Variants in MALRD1 observed in about 807,000 individuals in gnomAD.
MALRD1 encodes MAM and LDL-receptor class A domain-containing protein 1.
Under a neutral mutation model 242.1 loss-of-function variants are expected in MALRD1, and 247 were observed. The observed-to-expected ratio is 1.02, with a 90% CI of 0.92 to 1.13. The LOEUF is 1.13. MALRD1 is among the 50% of genes most tolerant of loss of function. The pLI, the probability that MALRD1 is intolerant of heterozygous loss-of-function variation, is 0.00. For synonymous variants in MALRD1, 995 were observed against 866.6 expected (o/e 1.15, Z -2.60); for missense variants, 2,989 against 2,533.1 (o/e 1.18, Z -3.86).
intron 31 of MALRD1, among the ~76,000 whole-genome samples, chr10:19,525,807 A>G (rs578034748): frequency 6.6e-6 from 1 of 152,316 alleles, no homozygotes; most frequent in Non-Finnish European, 1.5e-5. Flanking sequence ...GTAGTATTTA[A>G]TTAAAGTGTA....
chr10:19,600,165 A>G (rs16919144), intron 34 of MALRD1, among the ~76,000 whole-genome samples: 6,646 of 152,182 alleles, frequency 0.044, 428 homozygotes, highest in African/African-American at 0.14. Context: ...ATCCAACCTT[A>G]TCATCAATAT....
At chr10:19,703,259 G>C (rs116302397) in intron 38 of MALRD1, among the ~76,000 whole-genome samples, 1 of 152,116 alleles carries the variant, frequency 6.6e-6, no homozygotes, top group African/African-American at 2.4e-5. Flanking sequence ...CTTTTTGCTC[G>C]TCTGTTTTGA....
At chr10:19,448,110 T>G (rs1422238369) in intron 28 of MALRD1, among the ~76,000 whole-genome samples, 2 of 152,216 alleles carry the variant, frequency 1.3e-5, no homozygotes, top group African/African-American at 4.8e-5. Context: ...CAGACATATT[T>G]ATTAGCATTA....
chr10:19,314,515 A>G (rs1026461794), intron 21 of MALRD1, among the ~76,000 whole-genome samples: 2 of 151,804 alleles, frequency 1.3e-5, no homozygotes, highest in African/African-American at 2.4e-5. Context: ...TGAAATGGGC[A>G]TATCTGGGTG....
At chr10:19,141,017 A>G (rs576030393) in intron 10 of MALRD1, among the ~76,000 whole-genome samples, 72 of 152,340 alleles carry the variant, frequency 4.7e-4, no homozygotes, top group Non-Finnish European at 8.5e-4. Flanking sequence ...TTCACTACGT[A>G]TATGTATATC....
chr10:19,593,577 T>A (rs140843474), intron 33 of MALRD1, among the ~76,000 whole-genome samples: 1 of 152,336 alleles, frequency 6.6e-6, no homozygotes, highest in Non-Finnish European at 1.5e-5. Flanking sequence ...CTTAATATAT[T>A]GATGAGTCCC....
intron 4 of MALRD1, among the ~76,000 whole-genome samples, chr10:19,094,683 A>C (rs76623617): frequency 0.021 from 3,232 of 152,310 alleles, 122 homozygotes; most frequent in African/African-American, 0.075. Context: ...AGAAAAGGGA[A>C]TGCTGGGTAA....
intron 4 of MALRD1, among the ~76,000 whole-genome samples, chr10:19,100,796 T>A (rs868402943): frequency 1.2e-4 from 18 of 152,270 alleles, no homozygotes; most frequent in South Asian, 1.0e-3. Flanking sequence ...TGGTGTTTTT[T>A]TTTGGTGAGG....
rs114462261 is a variant in MALRD1 at position 19,728,992 on chromosome 10, C to T, written c.6315-1714C>T. On this transcript the variant is annotated intron_variant, in intron 38 of 39. Transcript: ENST00000454679. ...AGGAATTAACAGATATTTGTTGACT[C>T]AATTCAGACTTTTTTCAATAATAAC... 8.8e-3 allele frequency among the ~76,000 whole-genome samples: 1,341 copies of T among 152,274 alleles called. 19 individuals carry two copies. Among genetic ancestry groups the T allele is most frequent in the African/African-American group, 0.031 (1,277 of 41,530 alleles).
At chr10:19,181,627 A>C (rs567492799) in intron 14 of MALRD1, among the ~76,000 whole-genome samples, 23 of 152,292 alleles carry the variant, frequency 1.5e-4, no homozygotes, top group African/African-American at 5.1e-4. Context: ...TAGAGATGTA[A>C]TGTACAACGT....
chr10:19,055,041 C>T (rs1046419085), intron 1 of MALRD1, among the ~76,000 whole-genome samples: 2 of 152,234 alleles, frequency 1.3e-5, no homozygotes, highest in South Asian at 4.1e-4. Flanking sequence ...TCCCTTATTT[C>T]TGTATTCTGC....
intron 26 of MALRD1, among the ~76,000 whole-genome samples, chr10:19,369,694 A>G (rs558809911): frequency 6.6e-6 from 1 of 150,936 alleles, no homozygotes; most frequent in South Asian, 2.1e-4. Flanking sequence ...ACACACATAT[A>G]TTTAAATATA....
chr10:19,459,878 T>C (rs1835846864), intron 29 of MALRD1, among the ~76,000 whole-genome samples: 1 of 151,728 alleles, frequency 6.6e-6, no homozygotes, highest in African/African-American at 2.4e-5. Flanking sequence ...GAAAAAATAA[T>C]TATTTGACCA....
chr10:19,118,551 C>G (rs184180459), intron 5 of MALRD1, among the ~76,000 whole-genome samples: 44 of 152,222 alleles, frequency 2.9e-4, no homozygotes, highest in African/African-American at 1.0e-3. Flanking sequence ...AATAAGAGCT[C>G]GTAGAGACCA....
At chr10:19,204,210 G>T (rs1176224362) in intron 15 of MALRD1, 98 bp from the exon 16 acceptor site, 4 of 779,448 alleles carry the variant, frequency 5.1e-6, no homozygotes, top group Non-Finnish European at 8.2e-6. Flanking sequence ...ATTTCAGTTA[G>T]ACAATGATCT....
chr10:19,482,591 T>C (rs1035969437), intron 29 of MALRD1, among the ~76,000 whole-genome samples: 2 of 151,258 alleles, frequency 1.3e-5, no homozygotes, highest in African/African-American at 4.9e-5. Flanking sequence ...GTAGCATTTC[T>C]ATACACTAAT....
chr10:19,619,334 G>T (rs1217985953), intron 36 of MALRD1, among the ~76,000 whole-genome samples: 1 of 150,868 alleles, frequency 6.6e-6, no homozygotes, highest in Non-Finnish European at 1.5e-5. Flanking sequence ...CTCCTCTTTT[G>T]CTTCCCTTTC....
rs1299759419 is a variant in MALRD1 at position 19,265,198 on chromosome 10, AT to A, written c.3079+7434del. Among the ~76,000 whole-genome samples, 10 of 150,318 alleles carry A rather than the reference AT, an allele frequency of 6.7e-5. No homozygotes were observed. The South Asian group carries it at 8.4e-4, about 13-fold the overall frequency. On this transcript the variant is annotated intron_variant, in intron 19 of 39. Coordinates refer to ENST00000454679, the MANE Select transcript of MALRD1 (RefSeq NM_001142308.3). The stretch of plus-strand genomic sequence containing the variant: ...AATTTTGAGTTTCATTGATCTTTTT[AT>A]TTTTTTCTTCATTGTAATTATTTTT...
At chr10:19,426,757 C>A (rs762070008) in intron 28 of MALRD1, among the ~76,000 whole-genome samples, 1 of 152,086 alleles carries the variant, frequency 6.6e-6, no homozygotes, top group Non-Finnish European at 1.5e-5. Flanking sequence ...GAGCCGAGAT[C>A]GTGCCACTGC....
Sources: allele counts gnomAD v4.1 joint callset (sites outside exome capture counted in the v4.1 genomes callset), GRCh38; gene constraint gnomAD v4.1.1; transcripts MANE v1.5; gene names NCBI Gene and HGNC (gene_info 2026-07-23, HGNC 2026-07-21).